The following RHBDD1 variants were observed in gnomAD, a reference collection of about 807,000 sequenced individuals.
RHBDD1 encodes the protein rhomboid domain containing 1.
Under a neutral mutation model 36.3 loss-of-function variants are expected in RHBDD1, and 38 were observed. The ratio of observed to expected loss-of-function variants is 1.05; its 90% CI spans 0.81 to 1.37. RHBDD1 has a LOEUF of 1.37. Ranked by LOEUF, RHBDD1 falls within the 40% of genes most tolerant of loss-of-function variation. The pLI is 0.00. For missense variants in RHBDD1, 393 were observed against 377.6 expected (o/e 1.04, Z -0.34); for synonymous variants, 151 against 136.5 (o/e 1.11, Z -0.74).
At chr2:226,945,902 C>A (rs1232092191) in intron 8 of RHBDD1, among the ~76,000 whole-genome samples, 1 of 152,098 alleles carries the variant, frequency 6.6e-6, no homozygotes, top group Non-Finnish European at 1.5e-5. Flanking sequence ...TCTCTAATGA[C>A]CGGTGATAAG....
At chr2:226,926,856 CT>C (rs940972416) in intron 8 of RHBDD1, among the ~76,000 whole-genome samples, 9 of 152,010 alleles carry the variant, frequency 5.9e-5, no homozygotes, top group Non-Finnish European at 1.3e-4. Flanking sequence ...CTTTGGTGAT[CT>C]TTTTTTACAA....
intron 8 of RHBDD1, among the ~76,000 whole-genome samples, chr2:226,943,241 A>G (rs1950776407): frequency 6.6e-6 from 1 of 152,224 alleles, no homozygotes; most frequent in Admixed American, 6.5e-5. Flanking sequence ...TCTCCTTAAT[A>G]GATACCTGGC....
chr2:226,958,655 T>A (rs1225375101), intron 8 of RHBDD1, among the ~76,000 whole-genome samples: 1 of 151,974 alleles, frequency 6.6e-6, no homozygotes, highest in African/African-American at 2.4e-5. Flanking sequence ...AAGTTTACTA[T>A]ATGGTATTCC....
At chr2:226,845,659 G>T (rs948644576) in intron 3 of RHBDD1, among the ~76,000 whole-genome samples, 23 of 152,144 alleles carry the variant, frequency 1.5e-4, no homozygotes, top group African/African-American at 5.6e-4. Context: ...TGGGAATGTG[G>T]CAACAGCTCC....
rs1383562243 is a variant in RHBDD1 at position 226,882,960 on chromosome 2, G to A, written c.566+15642G>A. On this transcript the variant is annotated intron_variant, in intron 5 of 8. Coordinates refer to ENST00000392062, the MANE Select transcript of RHBDD1 (RefSeq NM_001167608.3). ...TTCTCTTACATCCCTTCTTATAAAG[G>A]CACTAATCCCTTCACAAAGGCCCCA... is the stretch of plus-strand genomic sequence containing the variant. Among the ~76,000 whole-genome samples the A allele has an allele frequency of 4.6e-5, 7 of 152,190 alleles. No individual in the cohort carries two copies. In the South Asian group the frequency reaches 1.5e-3, roughly 32 times the overall value.
chr2:226,841,976 A>T (rs1169811369), intron 3 of RHBDD1, among the ~76,000 whole-genome samples: 4 of 152,068 alleles, frequency 2.6e-5, no homozygotes, highest in African/African-American at 9.7e-5. Context: ...TTGACTTTTT[A>T]ATAATAGCCA....
At chr2:226,820,841 C>G in the RHBDD1 span, among the ~76,000 whole-genome samples, 1 of 151,812 alleles carries the variant, frequency 6.6e-6, no homozygotes, top group Admixed American at 6.6e-5. Flanking sequence ...AAAGTCATAC[C>G]AGGAAAGCTA....
Position 226,998,270 on chromosome 2 carries a change from C to G in RHBDD1, c.*2748C>G, listed in dbSNP as rs1203875741. 6.6e-6 allele frequency: 1 copy of G among 152,152 alleles called. No homozygotes were observed. Among genetic ancestry groups the G allele is most frequent in the Non-Finnish European group, 1.5e-5 (1 of 68,044 alleles). The allele number at this position is 152,152 out of a possible 1,614,324, so 9.4% of individuals were successfully genotyped here. On this transcript the variant is annotated 3_prime_UTR_variant, in exon 9 of 9. Transcript: ENST00000392062. ...AGACCTCCTCCATCCTTTTAAATTG[C>G]CTGCTGCAGTAAATAACTAGTTTGA...
At chr2:226,879,851 G>C (rs1047805043) in intron 5 of RHBDD1, among the ~76,000 whole-genome samples, 13 of 152,180 alleles carry the variant, frequency 8.5e-5, no homozygotes, top group African/African-American at 2.7e-4. Context: ...GACTGCAGAA[G>C]GAATTTTGGT....
At chr2:226,886,913 A>C (rs1946262762) in intron 5 of RHBDD1, among the ~76,000 whole-genome samples, 1 of 152,148 alleles carries the variant, frequency 6.6e-6, no homozygotes, top group South Asian at 2.1e-4. Flanking sequence ...GGAACATGGA[A>C]CTGATCATGA....
At chr2:226,903,047 ATTCTTTTCATCTAAAT>A (rs1947725819) in intron 5 of RHBDD1, among the ~76,000 whole-genome samples, 1 of 152,180 alleles carries the variant, frequency 6.6e-6, no homozygotes, top group African/African-American at 2.4e-5. Flanking sequence ...ATATTATTAT[ATTCTTTTCATCTAAAT>A]TGAAGTTATT....
At chr2:226,981,731 C>G (rs143954037) in intron 8 of RHBDD1, among the ~76,000 whole-genome samples, 4 of 152,358 alleles carry the variant, frequency 2.6e-5, no homozygotes, top group African/African-American at 9.6e-5. Flanking sequence ...AAATGACCAT[C>G]ATACTTCTCA....
At chr2:226,990,164 T>C (rs891171354) in intron 8 of RHBDD1, among the ~76,000 whole-genome samples, 1 of 152,214 alleles carries the variant, frequency 6.6e-6, no homozygotes, top group African/African-American at 2.4e-5. Flanking sequence ...ATCTCCCCTT[T>C]TCATGTCTTG....
At chr2:226,924,342 C>T (rs538043409) in intron 8 of RHBDD1, among the ~76,000 whole-genome samples, 10 of 152,316 alleles carry the variant, frequency 6.6e-5, no homozygotes, top group Admixed American at 5.2e-4. Flanking sequence ...CCTCAGGACT[C>T]TGCTCGGTAC....
chr2:226,835,290 T>C (rs376697113), upstream of RHBDD1, among the ~76,000 whole-genome samples: 73 of 152,338 alleles, frequency 4.8e-4, no homozygotes, highest in African/African-American at 1.7e-3. Context: ...CAGCTAAACA[T>C]AAAACTTGCT....
intron 8 of RHBDD1, among the ~76,000 whole-genome samples, chr2:226,949,724 G>A (rs1413784171): frequency 1.3e-5 from 2 of 152,144 alleles, no homozygotes; most frequent in African/African-American, 2.4e-5. Flanking sequence ...CCAGAGGCAG[G>A]AAGTTCAAGA....
In RHBDD1 at chr2:226,986,369, C is replaced by T. The variant is rs899743785; in HGVS notation, c.857-9062C>T. ...TGTATCAATGTTGGTTTCTTAGTTT[C>T]GACAAATGTACTGTAAGATGTTAAC... On this transcript the variant is annotated intron_variant, in intron 8 of 8. Transcript: ENST00000392062. 4.6e-5 allele frequency among the ~76,000 whole-genome samples: 7 copies of T among 152,208 alleles called. No homozygotes were observed. The South Asian group carries it at 8.3e-4, about 18-fold the overall frequency.
At chr2:226,908,582 TACACACAC>T (rs10559846) in intron 6 of RHBDD1, 221 of 346,866 alleles carry the variant, frequency 6.4e-4, no homozygotes, top group South Asian at 1.1e-3. Context: ...CATTTTCCAC[TACACACAC>T]ACACACACAC....
chr2:226,831,467 C>T (rs1940739492), upstream of RHBDD1, among the ~76,000 whole-genome samples: 1 of 152,088 alleles, frequency 6.6e-6, no homozygotes, highest in African/African-American at 2.4e-5. Context: ...GAGACAGGCA[C>T]GTGAGGGAAC....
Sources: allele counts gnomAD v4.1 joint callset (sites outside exome capture counted in the v4.1 genomes callset), GRCh38; gene constraint gnomAD v4.1.1; transcripts MANE v1.5; gene names NCBI Gene and HGNC (gene_info 2026-07-23, HGNC 2026-07-21).